The following ENPEP variants were observed in gnomAD, a reference collection of about 807,000 sequenced individuals.
ENPEP encodes the protein AP-A.
A neutral mutation model predicts 114.5 loss-of-function variants in ENPEP; 103 were observed. The ratio of observed to expected loss-of-function variants is 0.90; its 90% CI spans 0.77 to 1.06. The LOEUF is 1.06. ENPEP is among the 50% of genes least tolerant of loss of function. ENPEP has a pLI of 0.00. For missense variants in ENPEP, 1,196 were observed against 1,161.3 expected (o/e 1.03, Z -0.43); for synonymous variants, 420 against 422.0 (o/e 1.00, Z 0.06).
In ENPEP at chr4:110,553,389, A is replaced by G. The variant is rs1465764648; in HGVS notation, c.2576A>G (p.Tyr859Cys). Residue 859 changes from tyrosine to cysteine, a missense_variant, in exon 18 of 20, where the codon TAT becomes TGT. Physicochemically the swap from Tyr to Cys is radical, Grantham distance 194 (BLOSUM62 -2). Transcript: ENST00000265162. ...TTTACAGTCATTCGATATATCTCAT[A>G]TAACAGCTATGGGAAGAACATGGCC... Reference protein sequence around the residue: ...DVFTVIRYISYNSYGKNMAWN... With the variant: ...DVFTVIRYISCNSYGKNMAWN... 1.9e-6 allele frequency: 3 copies of G among 1,611,680 alleles called. No homozygotes were observed. The highest frequency in any genetic ancestry group is 4.5e-5 in the East Asian group (2 of 44,818).
chr4:110,523,426 A>G (rs571728847), intron 10 of ENPEP, among the ~76,000 whole-genome samples: 1 of 152,310 alleles, frequency 6.6e-6, no homozygotes, highest in South Asian at 2.1e-4. Flanking sequence ...ATTAAAAAAT[A>G]ACAAAAATAT....
At chr4:110,492,086 A>G (rs1724746571) in intron 3 of ENPEP, among the ~76,000 whole-genome samples, 1 of 151,856 alleles carries the variant, frequency 6.6e-6, no homozygotes, top group South Asian at 2.1e-4. Flanking sequence ...GGAGGCCCCC[A>G]TTTTGCTTAT....
chr4:110,549,956 G>A, intron 17 of ENPEP, 70 bp downstream of exon 17: 1 of 1,369,228 alleles, frequency 7.3e-7, no homozygotes. Context: ...CTCTTTAAGA[G>A]TCTGATTAAA....
At chr4:110,513,172 A>G (rs1303836752) in intron 6 of ENPEP, 3 of 298,712 alleles carry the variant, frequency 1.0e-5, no homozygotes, top group Non-Finnish European at 1.8e-5. Context: ...CAGAATTCAC[A>G]GAAGTTGATG....
At chr4:110,514,235 T>A (rs577672919) in intron 7 of ENPEP, among the ~76,000 whole-genome samples, 240 of 152,212 alleles carry the variant, frequency 1.6e-3, no homozygotes, top group Middle Eastern at 3.4e-3. Flanking sequence ...TACACTGAGA[T>A]GCTTAGAAGC....
intron 4 of ENPEP, 75 bp downstream of exon 4, chr4:110,506,832 T>C: frequency 1.6e-6 from 2 of 1,214,032 alleles, no homozygotes; most frequent in Non-Finnish European, 2.3e-6. Context: ...TTTCTTCTAA[T>C]TATGTCACCA....
chr4:110,515,322 ATTGTTCC>A lies in ENPEP; in HGVS notation c.1444-52_1444-46del, dbSNP rs1725720021. The A allele has an allele frequency of 2.1e-6, 3 of 1,426,576 alleles. No homozygotes were observed. In the East Asian group the frequency reaches 6.9e-5, roughly 33 times the overall value. 88.4% of individuals were successfully genotyped at this position (1,426,576 alleles called of 1,614,324 possible). A position where few individuals can be genotyped will look rare whatever the true frequency, so the allele number is the denominator to read the frequency against. ...CTAGTTGCAAGAGTAATAACTGATC[ATTGTTCC>A]TTACATAGCCTTTATTAGTTTCATT... On this transcript the variant is annotated intron_variant, in intron 7 of 19. Coordinates refer to ENST00000265162, the MANE Select transcript of ENPEP (RefSeq NM_001977.4).
chr4:110,504,863 T>C (rs1297000616), intron 3 of ENPEP, among the ~76,000 whole-genome samples: 1 of 152,238 alleles, frequency 6.6e-6, no homozygotes, highest in African/African-American at 2.4e-5. Flanking sequence ...TTCCCATTGC[T>C]CCACCTACGG....
intron 8 of ENPEP, among the ~76,000 whole-genome samples, chr4:110,518,072 T>A (rs1015793452): frequency 3.9e-5 from 6 of 152,176 alleles, no homozygotes; most frequent in African/African-American, 1.4e-4. Context: ...TGGAACTAAA[T>A]CTGGGGCTGG....
At chr4:110,553,920 T>C (rs1298302688) in intron 18 of ENPEP, among the ~76,000 whole-genome samples, 2 of 152,020 alleles carry the variant, frequency 1.3e-5, no homozygotes, top group Non-Finnish European at 2.9e-5. Context: ...TCAAGTATTT[T>C]GAATGTTTCT....
At chr4:110,482,154 A>C (rs184403445) in intron 1 of ENPEP, among the ~76,000 whole-genome samples, 7 of 152,190 alleles carry the variant, frequency 4.6e-5, no homozygotes, top group Non-Finnish European at 8.8e-5. Context: ...ATCCACTTGG[A>C]TATATGAAAG....
chr4:110,518,143 A>G (rs759895829), intron 8 of ENPEP, among the ~76,000 whole-genome samples: 9 of 152,202 alleles, frequency 5.9e-5, no homozygotes, highest in Non-Finnish European at 7.3e-5. Context: ...CAAACAGCAA[A>G]ATAGGTGCAG....
At chr4:110,481,730 G>A (rs144802981) in intron 1 of ENPEP, among the ~76,000 whole-genome samples, 2 of 152,256 alleles carry the variant, frequency 1.3e-5, no homozygotes, top group African/African-American at 4.8e-5. Context: ...ATATGTGTAT[G>A]TATATATATT....
intron 8 of ENPEP, 36 bp from the exon 9 acceptor site, chr4:110,519,972 T>C (rs1211363676): frequency 1.9e-6 from 3 of 1,586,602 alleles, no homozygotes; most frequent in African/African-American, 1.3e-5. Flanking sequence ...AAAGCAAACA[T>C]TGACTTCTAA....
Position 110,510,372 on chromosome 4 carries a change from A to T in ENPEP, c.1308+14A>T, listed in dbSNP as rs1725530084. 11 of 1,592,492 alleles carry T rather than the reference A, an allele frequency of 6.9e-6. No individual in the cohort carries two copies. Among genetic ancestry groups the T allele is most frequent in the Non-Finnish European group, 9.5e-6 (11 of 1,160,642 alleles). ...GACTGGCAAATGGTGAGTCCTAAAC[A>T]CATAAACTTGAAATCTCTCTTTTCC... On this transcript the variant is annotated intron_variant, in intron 6 of 19. Transcript: ENST00000265162.
At chr4:110,486,771 G>T (rs753841006) in intron 1 of ENPEP, among the ~76,000 whole-genome samples, 7 of 152,168 alleles carry the variant, frequency 4.6e-5, no homozygotes, top group Non-Finnish European at 1.0e-4. Context: ...CTTGCCCGCT[G>T]CCTAGACAGA....
At chr4:110,510,171 T>G in intron 5 of ENPEP, 74 bp from the exon 6 acceptor site, 2 of 1,239,298 alleles carry the variant, frequency 1.6e-6, no homozygotes, top group Non-Finnish European at 2.4e-6. Context: ...GACAAATAAA[T>G]GTTTTGACAT....
At chr4:110,545,423 C>G (rs1050359592) in intron 13 of ENPEP, among the ~76,000 whole-genome samples, 1 of 152,014 alleles carries the variant, frequency 6.6e-6, no homozygotes, top group East Asian at 1.9e-4. Flanking sequence ...ATCATCAAAG[C>G]TTTCTACTTC....
At chr4:110,477,102 T>G (rs1724144157) in intron 1 of ENPEP, 44 bp downstream of exon 1, 1 of 1,566,278 alleles carries the variant, frequency 6.4e-7, no homozygotes, top group African/African-American at 1.4e-5. Context: ...CTCACATATC[T>G]GCTTTCCATT....
Sources: allele counts gnomAD v4.1 joint callset (sites outside exome capture counted in the v4.1 genomes callset), GRCh38; gene constraint gnomAD v4.1.1; transcripts MANE v1.5; gene names NCBI Gene and HGNC (gene_info 2026-07-23, HGNC 2026-07-21).